Variants in RAPGEF2 observed in about 807,000 individuals in gnomAD.
The protein encoded by RAPGEF2 is PDZ domain containing guanine nucleotide exchange factor (GEF) 1.
In RAPGEF2, 54 loss-of-function variants were observed where a neutral mutation model predicts 186.7. The ratio of observed to expected loss-of-function variants is 0.29; its 90% CI spans 0.23 to 0.36. The LOEUF (loss-of-function observed/expected upper bound fraction) is 0.36. Ranked by LOEUF, RAPGEF2 falls within the 10% of genes least tolerant of loss-of-function variation. RAPGEF2 has a pLI of 1.00. For missense variants in RAPGEF2, 1,532 were observed against 2,045.0 expected (o/e 0.75, Z 4.84); for synonymous variants, 712 against 705.9 (o/e 1.01, Z -0.14).
rs761072456 is a variant in RAPGEF2, at chr4:159,353,491, T to C, written c.4096T>C (p.Tyr1366His). 1 of 1,477,384 alleles carries C rather than the reference T, an allele frequency of 6.8e-7. No homozygotes were observed. Among genetic ancestry groups the C allele is most frequent in the Admixed American group, 2.5e-5 (1 of 39,794 alleles). The allele number at this position is 1,477,384 out of a possible 1,614,324, so 91.5% of individuals were successfully genotyped here. Residue 1366 changes from tyrosine (Y) to histidine (H), a missense_variant, in exon 28 of 30, where the codon TAT (tyrosine) becomes CAT (histidine). Transcript: ENST00000691494. This position sits in a 1 kb window ranked among gnomAD's most constrained non-coding sequence, Gnocchi z 4.3. ...IEPDQYSLGS[Y>H]APMSEGRGLY... The stretch of plus-strand genomic sequence containing the variant: ...CCATTTCTTTTAACCACTTAGGTCC[T>C]ATGCACCAATGTCCGAGGGCCGAGG...
chr4:159,124,236 A>G (rs1171372310), intron 1 of RAPGEF2, among the ~76,000 whole-genome samples: 3 of 151,736 alleles, frequency 2.0e-5, no homozygotes, highest in South Asian at 2.1e-4. Context: ...AACTGATTTC[A>G]GGGCACAATA....
chr4:159,186,712 G>A lies in RAPGEF2; in HGVS notation c.140G>A (p.Arg47Lys). ...TCAAACTTGAGGGAGCATCAACTTA[G>A]GTATGTCATTTTAATATTCAGTTAA... ...ALSNLREHQLRLMCETVRYER... is the reference protein window; with the variant it reads ...ALSNLREHQLKLMCETVRYER... The change falls in exon 2 of 30, where the codon AGG (arginine) becomes AAG (lysine). Residue 47 changes from arginine to lysine, a missense_variant and splice_region_variant. By Grantham distance (26) the Arg-to-Lys change is conservative. Transcript: ENST00000691494. 1 of 1,430,968 alleles carries A rather than the reference G, an allele frequency of 7.0e-7. No individual in the cohort carries two copies. Among genetic ancestry groups the A allele is most frequent in the Non-Finnish European group, 9.4e-7 (1 of 1,063,120 alleles). 88.6% of individuals were successfully genotyped at this position (1,430,968 alleles called of 1,614,324 possible).
intron 18 of RAPGEF2, 138 bp downstream of exon 18, chr4:159,338,606 G>T: frequency 1.0e-6 from 1 of 958,676 alleles, no homozygotes; most frequent in Non-Finnish European, 1.5e-6. Flanking sequence ...TAAACTTTAA[G>T]ATTTTTGAAA....
At chr4:159,152,674 G>A (rs1371981076) in intron 1 of RAPGEF2, among the ~76,000 whole-genome samples, 1 of 152,162 alleles carries the variant, frequency 6.6e-6, no homozygotes, top group East Asian at 1.9e-4. Flanking sequence ...CTGGGGTGCA[G>A]AGGCACAATC....
intron 1 of RAPGEF2, among the ~76,000 whole-genome samples, chr4:159,133,932 T>C (rs1741413938): frequency 6.6e-6 from 1 of 151,998 alleles, no homozygotes; most frequent in Non-Finnish European, 1.5e-5. Context: ...TTGGCCAGGC[T>C]GGTCTTGAAC....
At chr4:159,174,668 A>G (rs1746267779) in intron 1 of RAPGEF2, among the ~76,000 whole-genome samples, 1 of 152,204 alleles carries the variant, frequency 6.6e-6, no homozygotes. Context: ...TCCTCTGGAA[A>G]AGAAACCTGA....
At chr4:159,168,171 A>T (rs1288051053) in intron 1 of RAPGEF2, among the ~76,000 whole-genome samples, 1 of 152,192 alleles carries the variant, frequency 6.6e-6, no homozygotes, top group Non-Finnish European at 1.5e-5. Context: ...TTACTTTCAT[A>T]CAACAGTATG....
At chr4:159,135,404 G>A (rs1307231563) in intron 1 of RAPGEF2, among the ~76,000 whole-genome samples, 2 of 151,974 alleles carry the variant, frequency 1.3e-5, no homozygotes, top group Non-Finnish European at 2.9e-5. Flanking sequence ...ACTATGTTTT[G>A]TGTATTCATT....
chr4:159,195,505 C>T (rs1410826048), intron 3 of RAPGEF2, among the ~76,000 whole-genome samples: 1 of 152,140 alleles, frequency 6.6e-6, no homozygotes, highest in Non-Finnish European at 1.5e-5. Context: ...ACTTATTCTT[C>T]GTGGATATCT....
chr4:159,128,892 AGAGT>A (rs1740676011), intron 1 of RAPGEF2: 1 of 141,802 alleles, frequency 7.1e-6, no homozygotes, highest in African/African-American at 2.6e-5. Flanking sequence ...TTGAAAGTGA[AGAGT>A]GTGTGTATAT....
Position 159,345,329 on chromosome 4 carries a change from T to C in RAPGEF2, c.3502T>C (p.Leu1168=). Residue 1168 remains leucine, a splice_region_variant and synonymous_variant, in exon 24 of 30, where the codon TTG becomes CTG. Coordinates refer to ENST00000691494, the MANE Select transcript of RAPGEF2 (RefSeq NM_001394067.2). ...GCAGTGTGAGCCAGCAACCAACACATGTGAGTTTTTCCTTAAAGTGGCTGC... is the reference window on the plus strand; with the variant it reads ...GCAGTGTGAGCCAGCAACCAACACACGTGAGTTTTTCCTTAAAGTGGCTGC... ...SLQCEPATNT[L]PKNPGDKKPV... 6.2e-7 allele frequency: 1 copy of C among 1,613,772 alleles called. No individual in the cohort carries two copies. The highest frequency in any genetic ancestry group is 8.5e-7 in the Non-Finnish European group (1 of 1,179,870).
chr4:159,303,902 T>G lies in RAPGEF2; in HGVS notation c.544-440T>G, dbSNP rs531281890. 2.0e-4 allele frequency among the ~76,000 whole-genome samples: 30 copies of G among 152,308 alleles called. 3 individuals are homozygous for G. In the South Asian group the frequency reaches 6.0e-3, roughly 30 times the overall value. ...GCAATATACTTCATCAATTCTAAGA[T>G]GCTCTCTTTTTTAACCTTTAAACAT... On this transcript the variant is annotated intron_variant, in intron 7 of 29. Transcript: ENST00000691494.
Position 159,330,469 on chromosome 4 carries a change from T to C in RAPGEF2, c.1438T>C (p.Trp480Arg). Reference protein sequence around the residue: ...PMEVGKKLLEWFNDPSLRDKV... With the variant: ...PMEVGKKLLERFNDPSLRDKV... ...GGAAGTGGGCAAAAAGTTATTGGAGTGGTTTAATGACCCGAGCCTCAGGGA... is the reference window on the plus strand; with the variant it reads ...GGAAGTGGGCAAAAAGTTATTGGAGCGGTTTAATGACCCGAGCCTCAGGGA... Residue 480 changes from tryptophan to arginine, a missense_variant, in exon 13 of 30, where the codon TGG (tryptophan) becomes CGG (arginine). Transcript: ENST00000691494. 6.2e-7 allele frequency: 1 copy of C among 1,606,346 alleles called. No homozygotes were observed. The highest frequency in any genetic ancestry group is 8.5e-7 in the Non-Finnish European group (1 of 1,178,062).
intron 4 of RAPGEF2, among the ~76,000 whole-genome samples, 153 bp downstream of exon 4, chr4:159,210,736 A>G (rs1043108039): frequency 2.0e-5 from 3 of 152,232 alleles, no homozygotes; most frequent in African/African-American, 7.2e-5. Context: ...TCTTTAAGAA[A>G]TAACTTTGTT....
chr4:159,147,799 T>C (rs896423365), intron 1 of RAPGEF2, among the ~76,000 whole-genome samples: 2 of 152,246 alleles, frequency 1.3e-5, no homozygotes, highest in Non-Finnish European at 2.9e-5. Flanking sequence ...TTAGTCAAGA[T>C]ACCTAATCTC....
chr4:159,354,649 G>C (rs761717681), intron 28 of RAPGEF2, among the ~76,000 whole-genome samples: 2 of 152,122 alleles, frequency 1.3e-5, no homozygotes, highest in Non-Finnish European at 2.9e-5. Flanking sequence ...TGTGACATTG[G>C]GTAAAATACA....
chr4:159,332,794 T>C, intron 17 of RAPGEF2, 97 bp downstream of exon 17: 2 of 1,388,548 alleles, frequency 1.4e-6, no homozygotes, highest in East Asian at 2.5e-5. Context: ...GTCTGAAAAC[T>C]GTTCTAGGTT....
At chr4:159,259,281 G>A (rs1335077110) in intron 7 of RAPGEF2, among the ~76,000 whole-genome samples, 5 of 152,042 alleles carry the variant, frequency 3.3e-5, no homozygotes, top group Admixed American at 6.6e-5. Flanking sequence ...TAATTTAACC[G>A]CTTTAGAAGT....
chr4:159,165,059 A>G (rs1745154885), intron 1 of RAPGEF2, among the ~76,000 whole-genome samples: 1 of 151,884 alleles, frequency 6.6e-6, no homozygotes, highest in African/African-American at 2.4e-5. Context: ...TTTCTTAAAG[A>G]ATTTTTTTTT....
Sources: allele counts gnomAD v4.1 joint callset (sites outside exome capture counted in the v4.1 genomes callset), GRCh38; gene constraint gnomAD v4.1.1; non-coding constraint Gnocchi (gnomAD v3.1); transcripts MANE v1.5; gene names NCBI Gene and HGNC (gene_info 2026-07-23, HGNC 2026-07-21).